REEP1: variants seen among roughly 807,000 people sequenced by gnomAD.
The protein encoded by REEP1 is receptor accessory protein 1.
Under a neutral mutation model 40.3 loss-of-function variants are expected in REEP1, and 22 were observed. That is an observed-to-expected ratio of 0.55 (90% CI 0.39 to 0.78). The LOEUF (loss-of-function observed/expected upper bound fraction) is 0.78, where lower values mean the gene tolerates loss of function less well. Ranked by LOEUF, REEP1 falls within the 30% of genes least tolerant of loss-of-function variation. The probability of loss-of-function intolerance (pLI) is 0.00; values close to 1 mark genes in which losing one functional copy is unlikely to be tolerated. For synonymous variants in REEP1, 116 were observed against 139.2 expected (o/e 0.83, Z 1.17); for missense variants, 280 against 361.1 (o/e 0.78, Z 1.82).
At chr2:86,328,594 G>C (rs1680620877) in intron 1 of REEP1, among the ~76,000 whole-genome samples, 1 of 152,366 alleles carries the variant, frequency 6.6e-6, no homozygotes, top group South Asian at 2.1e-4. Context: ...CAGGGGAATT[G>C]CTTGAACCCA....
intron 5 of REEP1, among the ~76,000 whole-genome samples, chr2:86,245,068 A>G (rs2104162327): frequency 6.6e-6 from 1 of 152,076 alleles, no homozygotes; most frequent in African/African-American, 2.4e-5. Context: ...AATTGCTTGA[A>G]CCTGGGAGGC....
At chr2:86,270,123 C>A (rs1677355290) in intron 2 of REEP1, among the ~76,000 whole-genome samples, 1 of 152,180 alleles carries the variant, frequency 6.6e-6, no homozygotes, top group African/African-American at 2.4e-5. Flanking sequence ...CACCACATAA[C>A]AAGATACTTA....
chr2:86,295,012 C>T (rs1308200825), intron 1 of REEP1, among the ~76,000 whole-genome samples: 1 of 151,958 alleles, frequency 6.6e-6, no homozygotes. Context: ...CAGCATGGCA[C>T]CCTGATTAGA....
intron 2 of REEP1, among the ~76,000 whole-genome samples, chr2:86,273,941 C>A (rs1026446909): frequency 7.9e-5 from 12 of 152,158 alleles, no homozygotes; most frequent in African/African-American, 2.9e-4. Context: ...AAAACAATTC[C>A]TGACATATAA....
chr2:86,278,691 CTG>C (rs756837529), intron 2 of REEP1, among the ~76,000 whole-genome samples: 1 of 152,204 alleles, frequency 6.6e-6, no homozygotes, highest in Non-Finnish European at 1.5e-5. Flanking sequence ...CTATCCAGGA[CTG>C]TGCACTGTCA....
intron 5 of REEP1, among the ~76,000 whole-genome samples, chr2:86,247,740 T>G (rs764074308): frequency 8.6e-5 from 13 of 151,926 alleles, no homozygotes; most frequent in Non-Finnish European, 1.5e-4. Context: ...CAGGCTAATT[T>G]TTGTATTTTT....
At chr2:86,304,786 G>A (rs1679409444) in intron 1 of REEP1, among the ~76,000 whole-genome samples, 1 of 152,186 alleles carries the variant, frequency 6.6e-6, no homozygotes, top group Non-Finnish European at 1.5e-5. Flanking sequence ...TGTGACCAAA[G>A]TTGGGCCCAA....
chr2:86,256,395 T>C (rs944292390), intron 3 of REEP1, among the ~76,000 whole-genome samples: 1 of 149,924 alleles, frequency 6.7e-6, no homozygotes, highest in South Asian at 2.1e-4. Flanking sequence ...ACCTTTCATA[T>C]GCAAACCAAC....
chr2:86,254,795 G>T lies in REEP1; in HGVS notation c.202C>A (p.Leu68Ile). 6.2e-7 allele frequency: 1 copy of T among 1,614,076 alleles called. No individual in the cohort carries two copies. The highest frequency in any genetic ancestry group is 8.5e-7 in the Non-Finnish European group (1 of 1,179,934). Residue 68 changes from leucine to isoleucine, a missense_variant, in exon 4 of 9, where the codon CTA becomes ATA. Transcript: ENST00000538924. ...FLCWFPFYYE[L>I]KIAFVAWLLS... The stretch of plus-strand genomic sequence containing the variant: ...AGCCAGGCTACAAATGCTATTTTTA[G>T]TTCATAATAGAATGGAAACCTGGAG...
chr2:86,252,591 AAC>A (rs1239701271), intron 4 of REEP1, among the ~76,000 whole-genome samples: 1 of 152,250 alleles, frequency 6.6e-6, no homozygotes, highest in South Asian at 2.1e-4. Context: ...TAAAACATCT[AAC>A]ACAGTGGCTA....
At chr2:86,320,825 G>A (rs1680243559) in intron 1 of REEP1, among the ~76,000 whole-genome samples, 1 of 152,166 alleles carries the variant, frequency 6.6e-6, no homozygotes, top group Non-Finnish European at 1.5e-5. Flanking sequence ...AATAAGAAAT[G>A]AAGAGACTTT....
chr2:86,303,559 CT>C (rs1413225111), intron 1 of REEP1, among the ~76,000 whole-genome samples: 1 of 151,844 alleles, frequency 6.6e-6, no homozygotes, highest in Non-Finnish European at 1.5e-5. Context: ...GAGATGGGGT[CT>C]TGCTATGTTT....
rs191799753 is a variant in REEP1 at position 86,300,136 on chromosome 2, G to A, written c.33-17894C>T. 5.8e-4 allele frequency among the ~76,000 whole-genome samples: 88 copies of A among 152,258 alleles called. 1 individual carries two copies. The East Asian group carries it at 6.2e-3, about 11-fold the overall frequency. On this transcript the variant is annotated intron_variant, in intron 1 of 8. Coordinates refer to ENST00000538924, the MANE Select transcript of REEP1 (RefSeq NM_001371279.1). ...ATACAGGAACTTGCTATCATCCCAC[G>A]CAGGCTGGTCCAGCTTGGGCCACCC...
chr2:86,215,830 T>C lies in REEP1; in HGVS notation c.*1209A>G, dbSNP rs1674079621. ...ATTGAGTATGAGTCTGCTGTTTACA[T>C]TCTGCACAGGCCAGGAGGGGAACAG... On this transcript the variant is annotated 3_prime_UTR_variant, in exon 9 of 9. Coordinates refer to ENST00000538924, the MANE Select transcript of REEP1 (RefSeq NM_001371279.1). The C allele has an allele frequency of 6.6e-6, 1 of 152,320 alleles. No individual in the cohort carries two copies. The highest frequency in any genetic ancestry group is 1.5e-5 in the Non-Finnish European group (1 of 68,048). 9.4% of individuals were successfully genotyped at this position (152,320 alleles called of 1,614,324 possible).
At chr2:86,261,432 C>T (rs374496288) in intron 3 of REEP1, among the ~76,000 whole-genome samples, 2 of 152,162 alleles carry the variant, frequency 1.3e-5, no homozygotes, top group South Asian at 2.1e-4. Context: ...AACCTTACCC[C>T]CAACCCCGTG....
chr2:86,249,075 A>G (rs1558887310), intron 5 of REEP1, among the ~76,000 whole-genome samples: 1 of 152,168 alleles, frequency 6.6e-6, no homozygotes, highest in East Asian at 1.9e-4. Flanking sequence ...CCTGGCCAAC[A>G]TGGCAAAACC....
intron 3 of REEP1, among the ~76,000 whole-genome samples, chr2:86,263,409 AT>A (rs571574279): frequency 2.0e-4 from 30 of 150,212 alleles, no homozygotes; most frequent in Admixed American, 3.3e-4. Flanking sequence ...ATTTTTTTGT[AT>A]TTTTTTTTAG....
intron 1 of REEP1, chr2:86,336,869 C>T (rs1158986382): frequency 6.6e-6 from 1 of 152,250 alleles, no homozygotes; most frequent in Non-Finnish European, 1.5e-5. Flanking sequence ...GCCGGGGGCT[C>T]CAGGCGTTTA....
At chr2:86,230,872 T>C (rs2104034283) in intron 6 of REEP1, among the ~76,000 whole-genome samples, 1 of 152,320 alleles carries the variant, frequency 6.6e-6, no homozygotes, top group East Asian at 1.9e-4. Flanking sequence ...CTCTGCCCTC[T>C]GGGTTTTACT....
Sources: gnomAD v4.1 joint callset for allele counts (sites outside exome capture counted in the v4.1 genomes callset) on GRCh38, gnomAD v4.1.1 for gene constraint, MANE v1.5 for transcripts, NCBI Gene and HGNC (gene_info 2026-07-23, HGNC 2026-07-21) for gene names.